The following FOXP1 variants were observed in gnomAD, a reference collection of about 807,000 sequenced individuals.
FOXP1 encodes the protein forkhead box protein P1.
In FOXP1, 15 loss-of-function variants were observed where a neutral mutation model predicts 98.2. The ratio of observed to expected loss-of-function variants is 0.15; its 90% CI spans 0.10 to 0.24. The LOEUF (loss-of-function observed/expected upper bound fraction) is 0.24. Among genes scored for constraint, FOXP1 ranks in the 10% least tolerant of loss-of-function variants. The pLI, the probability that FOXP1 is intolerant of heterozygous loss-of-function variation, is 1.00. For missense variants in FOXP1, 633 were observed against 848.5 expected (o/e 0.75, Z 3.15); for synonymous variants, 371 against 314.5 (o/e 1.18, Z -1.90).
rs58267668 is a variant in FOXP1 at position 71,411,278 on chromosome 3, CGTGTGTGTGTGTGTGT to C, written c.-167-52050_-167-52035del. Among the ~76,000 whole-genome samples, 568 of 141,786 alleles carry C rather than the reference CGTGTGTGTGTGTGTGT, an allele frequency of 4.0e-3. 10 individuals are homozygous for C. The highest frequency in any genetic ancestry group is 0.035 in the Admixed American group (496 of 14,258). The allele number at this position is 141,786 out of a possible 152,430, so 93.0% of individuals were successfully genotyped here. A position where few individuals can be genotyped will look rare whatever the true frequency, so the allele number is the denominator to read the frequency against. On this transcript the variant is annotated intron_variant, in intron 3 of 20. Transcript: ENST00000649528. The stretch of plus-strand genomic sequence containing the variant: ...GGACTTAAACCAGAGGCTGAATGGG[CGTGTGTGTGTGTGTGT>C]GTGTGTGTGTGTGTGTGTGTGTGTA...
intron 2 of FOXP1, among the ~76,000 whole-genome samples, chr3:71,497,061 T>G (rs2091469903): frequency 6.6e-6 from 1 of 151,826 alleles, no homozygotes; most frequent in Non-Finnish European, 1.5e-5. Context: ...ACTTAACTGT[T>G]CTGAACTCTA....
In FOXP1 at chr3:71,397,073, T is replaced by TATAC. The variant is rs1553871629; in HGVS notation, c.-167-37830_-167-37829insGTAT. 4.9e-4 allele frequency among the ~76,000 whole-genome samples: 21 copies of TATAC among 42,710 alleles called. 3 individuals are homozygous for TATAC. Among genetic ancestry groups the TATAC allele is most frequent in the African/African-American group, 1.0e-3 (11 of 10,970 alleles). The allele number at this position is 42,710 out of a possible 152,430, so 28.0% of individuals were successfully genotyped here. A position where few individuals can be genotyped will look rare whatever the true frequency, so the allele number is the denominator to read the frequency against. ...ACACATATATATGTGTATATATATA[T>TATAC]ACATATATATGTGTATATATATATA... On this transcript the variant is annotated intron_variant, in intron 3 of 20. Transcript: ENST00000649528.
At chr3:71,284,077 C>A (rs889639171) in intron 5 of FOXP1, among the ~76,000 whole-genome samples, 4 of 152,208 alleles carry the variant, frequency 2.6e-5, no homozygotes, top group African/African-American at 9.6e-5. Flanking sequence ...ATAAGATAAA[C>A]CTTTTTCTCC....
intron 14 of FOXP1, among the ~76,000 whole-genome samples, chr3:70,984,571 TTGTCACGTA>T (rs528884486): frequency 4.0e-4 from 61 of 152,224 alleles, no homozygotes; most frequent in Non-Finnish European, 7.8e-4. Flanking sequence ...GACTGACTAC[TTGTCACGTA>T]TGTCACATGC....
At chr3:71,150,722 G>T (rs1239637551) in intron 6 of FOXP1, among the ~76,000 whole-genome samples, 1 of 152,108 alleles carries the variant, frequency 6.6e-6, no homozygotes, top group African/African-American at 2.4e-5. Context: ...ATGCAGAACT[G>T]TCACATGCTT....
intron 11 of FOXP1, among the ~76,000 whole-genome samples, chr3:71,031,194 A>T (rs190391281): frequency 1.3e-5 from 2 of 152,338 alleles, no homozygotes; most frequent in Admixed American, 6.5e-5. Flanking sequence ...TACACAATAC[A>T]CAAAAGCTCC....
intron 11 of FOXP1, among the ~76,000 whole-genome samples, chr3:71,039,906 C>G (rs868838305): frequency 6.6e-6 from 1 of 152,148 alleles, no homozygotes; most frequent in Non-Finnish European, 1.5e-5. Context: ...CCATTCTATT[C>G]CTCTATCTAT....
intron 3 of FOXP1, among the ~76,000 whole-genome samples, chr3:71,405,822 G>A (rs542179481): frequency 5.3e-5 from 8 of 151,936 alleles, no homozygotes; most frequent in East Asian, 1.9e-4. Context: ...TCTGCCTCCC[G>A]GGTTCAAGCA....
At position 70,959,051 on chromosome 3, in the gene FOXP1, G is replaced by A. The variant is rs2032550472; in HGVS notation, c.*196C>T. 1.6e-6 allele frequency: 1 copy of A among 610,136 alleles called. No individual in the cohort carries two copies. Among genetic ancestry groups the A allele is most frequent in the Non-Finnish European group, 2.8e-6 (1 of 355,686 alleles). The allele number at this position is 610,136 out of a possible 1,614,324, so 37.8% of individuals were successfully genotyped here. A position where few individuals can be genotyped will look rare whatever the true frequency, so the allele number is the denominator to read the frequency against. On this transcript the variant is annotated 3_prime_UTR_variant, in exon 21 of 21. Coordinates refer to ENST00000649528, the MANE Select transcript of FOXP1 (RefSeq NM_001349338.3). ...TACAAATTCCTTTTTTCAACAAAAA[G>A]TAGAAAAATCAAAAATACTCCCAAA...
chr3:71,007,521 T>C (rs1431455185), intron 12 of FOXP1, among the ~76,000 whole-genome samples: 1 of 152,124 alleles, frequency 6.6e-6, no homozygotes, highest in African/African-American at 2.4e-5. Flanking sequence ...ACCACAAACA[T>C]AGTTGCTGGA....
intron 2 of FOXP1, among the ~76,000 whole-genome samples, chr3:71,580,324 T>A (rs1170357982): frequency 6.6e-6 from 1 of 151,726 alleles, no homozygotes; most frequent in Admixed American, 6.6e-5. Context: ...ACCTTTTGAA[T>A]GGTAACTAGT....
chr3:71,572,746 AC>A (rs1397900136), intron 2 of FOXP1: 1 of 152,220 alleles, frequency 6.6e-6, no homozygotes, highest in Non-Finnish European at 1.5e-5. Context: ...AGCCTCTCCT[AC>A]CTGAACCAGC....
At chr3:71,116,450 C>T (rs879396072) in intron 6 of FOXP1, among the ~76,000 whole-genome samples, 4 of 152,188 alleles carry the variant, frequency 2.6e-5, no homozygotes, top group Admixed American at 1.3e-4. Flanking sequence ...TTCCAAATTT[C>T]AGCCCCCAAA....
At chr3:71,431,307 C>G (rs935950593) in intron 3 of FOXP1, among the ~76,000 whole-genome samples, 1 of 152,060 alleles carries the variant, frequency 6.6e-6, no homozygotes, top group East Asian at 1.9e-4. Flanking sequence ...AGACAGAGTG[C>G]GAGAATAAGT....
chr3:71,446,472 C>A (rs145893877), intron 3 of FOXP1, among the ~76,000 whole-genome samples: 38 of 152,006 alleles, frequency 2.5e-4, no homozygotes, highest in African/African-American at 8.4e-4. Context: ...GGGAGCCAGG[C>A]GGCTTCCCAG....
intron 5 of FOXP1, among the ~76,000 whole-genome samples, chr3:71,285,481 G>A (rs926649769): frequency 2.0e-5 from 3 of 152,178 alleles, no homozygotes; most frequent in African/African-American, 7.2e-5. Flanking sequence ...GAAGAAAAAG[G>A]AAGAGAGTAA....
In FOXP1 at chr3:71,000,635, G is replaced by A. The variant is rs970868049; in HGVS notation, c.1062+337C>T. ...CACTGACAACAGATAACCAGAAAAT[G>A]CAAAGGAGAAGTGAGAAGAGAGGGA... On this transcript the variant is annotated intron_variant, in intron 13 of 20. Transcript: ENST00000649528. Among the ~76,000 whole-genome samples the A allele has an allele frequency of 2.0e-5, 3 of 151,862 alleles. No homozygotes were observed. In the South Asian group the frequency reaches 6.2e-4, roughly 32 times the overall value.
At chr3:71,576,800 A>T (rs1377151105) in intron 2 of FOXP1, among the ~76,000 whole-genome samples, 2 of 152,178 alleles carry the variant, frequency 1.3e-5, no homozygotes, top group African/African-American at 4.8e-5. Context: ...GGGGAGGGTC[A>T]TGAGGAAACA....
intron 14 of FOXP1, among the ~76,000 whole-genome samples, chr3:70,986,570 T>TC (rs1390703160): frequency 2.0e-5 from 3 of 152,210 alleles, no homozygotes; most frequent in Admixed American, 6.5e-5. Flanking sequence ...CTATGCTTCT[T>TC]CGAGATGACT....
Sources: allele counts gnomAD v4.1 joint callset (sites outside exome capture counted in the v4.1 genomes callset), GRCh38; gene constraint gnomAD v4.1.1; transcripts MANE v1.5; gene names NCBI Gene and HGNC (gene_info 2026-07-23, HGNC 2026-07-21).